Variants in NUBP1 observed in about 807,000 individuals in gnomAD.
NUBP1 encodes the protein cytosolic Fe-S cluster assembly factor NUBP1.
A neutral mutation model predicts 41.8 loss-of-function variants in NUBP1; 46 were observed. That is an observed-to-expected ratio of 1.10 (90% CI 0.87 to 1.41). NUBP1 has a LOEUF of 1.41. NUBP1 is among the 40% of genes most tolerant of loss of function. The pLI is 0.00. For missense variants in NUBP1, 494 were observed against 414.0 expected (o/e 1.19, Z -1.68); for synonymous variants, 189 against 154.6 (o/e 1.22, Z -1.65).
intron 3 of NUBP1, among the ~76,000 whole-genome samples, chr16:10,748,202 C>T (rs1210449225): frequency 6.6e-6 from 1 of 152,174 alleles, no homozygotes; most frequent in African/African-American, 2.4e-5. Context: ...CCCCCTGCCT[C>T]GGCCTCCCAA....
Position 10,753,597 on chromosome 16 carries a change from A to T in NUBP1, c.327+919A>T, listed in dbSNP as rs145379005. ...TTTAATTAGTGCCAGGAATGCATTA[A>T]TCCTGTTTTGGGGATGCAGTGGTGA... On this transcript the variant is annotated intron_variant, in intron 4 of 10. Transcript: ENST00000283027. Among the ~76,000 whole-genome samples, 353 of 152,018 alleles carry T rather than the reference A, an allele frequency of 2.3e-3. 3 individuals are homozygous for T. Among genetic ancestry groups the T allele is most frequent in the African/African-American group, 7.7e-3 (319 of 41,444 alleles).
At position 10,761,786 on chromosome 16, in the gene NUBP1, C is replaced by T. The variant is rs749583634; in HGVS notation, c.747C>T (p.Thr249=). ...AATCTCAGATATTCCCTCCCACAAC[C>T]GGGGGCGCGGAGCTCATGTGCCAGG... ...KKESQIFPPT[T]GGAELMCQDL... is the part of the protein sequence containing the mutation. Residue 249 remains threonine (T), a synonymous_variant, in exon 9 of 11, where the codon ACC becomes ACT. Coordinates refer to ENST00000283027, the MANE Select transcript of NUBP1 (RefSeq NM_002484.4). 1.2e-5 allele frequency: 19 copies of T among 1,613,872 alleles called. No individual in the cohort carries two copies. Among genetic ancestry groups the T allele is most frequent in the East Asian group, 4.5e-5 (2 of 44,876 alleles).
intron 3 of NUBP1, among the ~76,000 whole-genome samples, chr16:10,750,505 G>A (rs1900270304): frequency 6.6e-6 from 1 of 152,076 alleles, no homozygotes; most frequent in African/African-American, 2.4e-5. Context: ...ACCTCCCAAA[G>A]TTCTGAAATT....
chr16:10,762,895 A>T (rs985915780), intron 9 of NUBP1, among the ~76,000 whole-genome samples: 1 of 148,126 alleles, frequency 6.8e-6, no homozygotes, highest in African/African-American at 2.4e-5. Flanking sequence ...GAAGGGCTGC[A>T]TGGGGAGAAT....
rs185452150 is a variant in NUBP1 at position 10,765,158 on chromosome 16, G to A, written c.821-2791G>A. ...GAGATCCAAGAGGTGTGTCCTTATG[G>A]CCATCACAATTGCCACATTTTCCAA... On this transcript the variant is annotated intron_variant, in intron 9 of 10. Coordinates refer to ENST00000283027, the MANE Select transcript of NUBP1 (RefSeq NM_002484.4). This position sits in a 1 kb window ranked among gnomAD's most constrained non-coding sequence, Gnocchi z 4.0. The A allele has an allele frequency of 9.8e-4, 150 of 152,744 alleles. No individual in the cohort carries two copies. Among genetic ancestry groups the A allele is most frequent in the Non-Finnish European group, 9.6e-4 (66 of 68,424 alleles). 9.5% of individuals were successfully genotyped at this position (152,744 alleles called of 1,614,324 possible). A position where few individuals can be genotyped will look rare whatever the true frequency, so the allele number is the denominator to read the frequency against.
At chr16:10,748,447 A>C (rs533692079) in intron 3 of NUBP1, among the ~76,000 whole-genome samples, 1 of 152,188 alleles carries the variant, frequency 6.6e-6, no homozygotes, top group East Asian at 1.9e-4. Flanking sequence ...CTGGATCTCA[A>C]CTTTAATAAA....
rs754573122 is a variant in NUBP1 at position 10,747,130 on chromosome 16, G to C, written c.125-13G>C. On this transcript the variant is annotated splice_polypyrimidine_tract_variant and intron_variant, in intron 2 of 10. Coordinates refer to ENST00000283027, the MANE Select transcript of NUBP1 (RefSeq NM_002484.4). The stretch of plus-strand genomic sequence containing the variant: ...GTGGGACCTCATCCCCTGAACTTTG[G>C]TTTTCTTTGCAGCTATAGAGGAAAT... The C allele has an allele frequency of 1.9e-6, 3 of 1,613,616 alleles. No homozygotes were observed. The highest frequency in any genetic ancestry group is 2.5e-6 in the Non-Finnish European group (3 of 1,179,662).
intron 7 of NUBP1, among the ~76,000 whole-genome samples, chr16:10,758,288 T>C (rs1312725758): frequency 3.3e-5 from 5 of 152,082 alleles, no homozygotes; most frequent in South Asian, 2.1e-4. Context: ...CTGAAAAACA[T>C]AGCAAAACCC....
At position 10,754,693 on chromosome 16, in the gene NUBP1, G is replaced by A. The variant is rs188754700; in HGVS notation, c.328-1028G>A. Among the ~76,000 whole-genome samples, 10 of 152,284 alleles carry A rather than the reference G, an allele frequency of 6.6e-5. No individual in the cohort carries two copies. In the East Asian group the frequency reaches 1.7e-3, roughly 26 times the overall value. ...GCTGGGAGGATGTGAGACAGACTGT[G>A]GGGGGTGGTGACAGCTGAGGGGTAT... On this transcript the variant is annotated intron_variant, in intron 4 of 10. Transcript: ENST00000283027.
In NUBP1 at chr16:10,759,637, G is replaced by A. The variant is rs746845250; in HGVS notation, c.606+1610G>A. Among the ~76,000 whole-genome samples the A allele has an allele frequency of 9.9e-5, 15 of 152,238 alleles. No individual in the cohort carries two copies. Among genetic ancestry groups the A allele is most frequent in the Admixed American group, 5.9e-4 (9 of 15,286 alleles). Reference sequence around the variant, plus strand: ...AAAAAAATACAAAAATTAGCCAGGCGTGGTGGTGGGCACCTGTAATCCCAG... The same window carrying A: ...AAAAAAATACAAAAATTAGCCAGGCATGGTGGTGGGCACCTGTAATCCCAG... On this transcript the variant is annotated intron_variant, in intron 7 of 10. Transcript: ENST00000283027. This position sits in a 1 kb window ranked among gnomAD's most constrained non-coding sequence, Gnocchi z 4.7.
chr16:10,768,674 G>C lies in NUBP1; in HGVS notation c.905-373G>C. ...CAAACCCACGTGCAGGCCACATTCA[G>C]CCAGTGGCAGCCATCAGAGGCCCCA... is the stretch of plus-strand genomic sequence containing the variant. On this transcript the variant is annotated intron_variant, in intron 10 of 10. Transcript: ENST00000283027. This position sits in a 1 kb window ranked among gnomAD's most constrained non-coding sequence, Gnocchi z 4.3. 1 of 207,942 alleles carries C rather than the reference G, an allele frequency of 4.8e-6. No individual in the cohort carries two copies. The highest frequency in any genetic ancestry group is 1.6e-4 in the South Asian group (1 of 6,174). 12.9% of individuals were successfully genotyped at this position (207,942 alleles called of 1,614,324 possible). A position where few individuals can be genotyped will look rare whatever the true frequency, so the allele number is the denominator to read the frequency against.
rs1255000371 is a variant in NUBP1 at position 10,757,769 on chromosome 16, C to G, written c.452-104C>G. On this transcript the variant is annotated intron_variant, in intron 6 of 10. Coordinates refer to ENST00000283027, the MANE Select transcript of NUBP1 (RefSeq NM_002484.4). The surrounding 1 kb of genome is among the most constrained non-coding windows in gnomAD (Gnocchi z 4.1). ...CTTGAGCCTCAGAGTTAAGAGCCAACCTGGGCAACATAGCAAGACCCCATC... is the reference window on the plus strand; with the variant it reads ...CTTGAGCCTCAGAGTTAAGAGCCAAGCTGGGCAACATAGCAAGACCCCATC... The G allele has an allele frequency of 4.2e-6, 6 of 1,440,792 alleles. No individual in the cohort carries two copies. In the African/African-American group the frequency reaches 8.5e-5, roughly 20 times the overall value. The allele number at this position is 1,440,792 out of a possible 1,614,324, so 89.3% of individuals were successfully genotyped here.
At chr16:10,745,698 A>G (rs1160588641) in intron 2 of NUBP1, among the ~76,000 whole-genome samples, 1 of 152,228 alleles carries the variant, frequency 6.6e-6, no homozygotes, top group Non-Finnish European at 1.5e-5. Context: ...GCAGGTAGTT[A>G]CATTCTTGTG....
At chr16:10,747,055 A>G in intron 2 of NUBP1, 88 bp from the exon 3 acceptor site, 1 of 1,525,438 alleles carries the variant, frequency 6.6e-7, no homozygotes, top group Non-Finnish European at 9.0e-7. Flanking sequence ...TACTAGGACT[A>G]GGACTTAGCT....
At chr16:10,753,505 G>A (rs1900418662) in intron 4 of NUBP1, among the ~76,000 whole-genome samples, 2 of 152,124 alleles carry the variant, frequency 1.3e-5, no homozygotes, top group Admixed American at 1.3e-4. Flanking sequence ...ATTCCCCCAA[G>A]GGCAGTGCAT....
intron 9 of NUBP1, chr16:10,762,101 G>A (rs1210708825): frequency 4.9e-6 from 2 of 409,826 alleles, no homozygotes; most frequent in East Asian, 7.9e-5. Context: ...CTGGAAGAAT[G>A]GGGTAGAGGT....
chr16:10,761,551 A>C, intron 8 of NUBP1, 77 bp downstream of exon 8: 5 of 1,263,180 alleles, frequency 4.0e-6, no homozygotes, highest in Non-Finnish European at 5.7e-6. Flanking sequence ...GCTGCTCTGC[A>C]AACTATTTCT....
chr16:10,765,527 G>A lies in NUBP1; in HGVS notation c.821-2422G>A, dbSNP rs1420007866. Among the ~76,000 whole-genome samples the A allele has an allele frequency of 6.6e-6, 1 of 151,870 alleles. No homozygotes were observed. The highest frequency in any genetic ancestry group is 6.6e-5 in the Admixed American group (1 of 15,236). On this transcript the variant is annotated intron_variant, in intron 9 of 10. Coordinates refer to ENST00000283027, the MANE Select transcript of NUBP1 (RefSeq NM_002484.4). This position sits in a 1 kb window ranked among gnomAD's most constrained non-coding sequence, Gnocchi z 4.0. ...TGTCTCAAAAAAAAATTTAAAAATG[G>A]CATGCTTGCTGACCCACCCAAATAT...
rs1900107464 is a variant in NUBP1, at chr16:10,747,277, G to A, written c.258+1G>A. Reference sequence around the variant, plus strand: ...CCTAGCAGAGGATGAAAACACACAGGTGAGACCTCAGGAACCACTGGGAGA... The same window carrying A: ...CCTAGCAGAGGATGAAAACACACAGATGAGACCTCAGGAACCACTGGGAGA... On this transcript the variant is annotated splice_donor_variant, in intron 3 of 10. Coordinates refer to ENST00000283027, the MANE Select transcript of NUBP1 (RefSeq NM_002484.4). LOFTEE classifies it high-confidence loss of function. 6.2e-7 allele frequency: 1 copy of A among 1,613,364 alleles called. No homozygotes were observed. The highest frequency in any genetic ancestry group is 2.2e-5 in the East Asian group (1 of 44,886).
Sources: gnomAD v4.1 joint callset for allele counts (sites outside exome capture counted in the v4.1 genomes callset) on GRCh38, gnomAD v4.1.1 for gene constraint, Gnocchi (gnomAD v3.1) non-coding constraint, MANE v1.5 for transcripts, NCBI Gene and HGNC (gene_info 2026-07-23, HGNC 2026-07-21) for gene names.